The following INPP4A variants were observed in gnomAD, a reference collection of about 807,000 sequenced individuals.
INPP4A encodes inositol polyphosphate-4-phosphatase, type I, 107kD.
In INPP4A, 33 loss-of-function variants were observed where a neutral mutation model predicts 119.8. The ratio of observed to expected loss-of-function variants is 0.28; its 90% CI spans 0.21 to 0.37. The LOEUF (loss-of-function observed/expected upper bound fraction) is 0.37. Among genes scored for constraint, INPP4A ranks in the 10% least tolerant of loss-of-function variants. The pLI is 1.00. For synonymous variants in INPP4A, 496 were observed against 500.7 expected, an observed-to-expected ratio of 0.99 and a Z score of 0.12; for missense variants, 956 against 1,289.9, an observed-to-expected ratio of 0.74 and a Z score of 3.97.
chr2:98,578,088 G>A (rs1480711453), intron 24 of INPP4A, among the ~76,000 whole-genome samples: 1 of 152,158 alleles, frequency 6.6e-6, no homozygotes. Flanking sequence ...GTTTTGTCCC[G>A]TTTTGTCTTT....
intron 1 of INPP4A, among the ~76,000 whole-genome samples, chr2:98,449,747 A>C (rs1293931646): frequency 6.6e-6 from 1 of 152,198 alleles, no homozygotes; most frequent in East Asian, 1.9e-4. Context: ...ACATTACACA[A>C]AATTTTCTGT....
intron 1 of INPP4A, among the ~76,000 whole-genome samples, chr2:98,482,121 A>AT (rs1272987339): frequency 6.6e-6 from 1 of 152,194 alleles, no homozygotes; most frequent in Non-Finnish European, 1.5e-5. Context: ...AATAAATATA[A>AT]TTTTTTAAAC....
chr2:98,587,535 AT>A lies in INPP4A; in HGVS notation c.2848del (p.Ser950ProfsTer4). 1 of 1,611,018 alleles carries A rather than the reference AT, an allele frequency of 6.2e-7. No homozygotes were observed. Among genetic ancestry groups the A allele is most frequent in the Non-Finnish European group, 8.5e-7 (1 of 1,179,000 alleles). On this transcript the variant is annotated frameshift_variant, in exon 25 of 25. Coordinates refer to ENST00000409851, the MANE Select transcript of INPP4A (RefSeq NM_001134225.2). LOFTEE classifies it high-confidence loss of function. ...GTTGGAAGTCGCAAATATGCATTTA[AT>A]TCCCTGCAGCTGAAGGCTTTCCCCA... ...KNVGSRKYAF[N>X]SLQLKAFPKH...
intron 1 of INPP4A, among the ~76,000 whole-genome samples, chr2:98,471,815 C>T (rs1322139036): frequency 1.3e-5 from 2 of 152,192 alleles, no homozygotes; most frequent in African/African-American, 2.4e-5. Flanking sequence ...CAGACAGCAC[C>T]GTGGAGTTCG....
chr2:98,525,740 A>G (rs1688071048), intron 4 of INPP4A, among the ~76,000 whole-genome samples: 1 of 152,266 alleles, frequency 6.6e-6, no homozygotes, highest in African/African-American at 2.4e-5. Context: ...AACAATAAGC[A>G]CATGTTAAAA....
intron 1 of INPP4A, among the ~76,000 whole-genome samples, chr2:98,452,748 C>T (rs767043641): frequency 1.3e-4 from 20 of 152,172 alleles, no homozygotes; most frequent in Non-Finnish European, 2.4e-4. Flanking sequence ...CTGTACAGCT[C>T]GGTGCTAAAG....
intron 24 of INPP4A, chr2:98,581,674 T>C: frequency 6.2e-7 from 1 of 1,609,104 alleles, no homozygotes; most frequent in Non-Finnish European, 8.5e-7. Context: ...TCCATCCCTT[T>C]ATTAGCTCTG....
chr2:98,542,238 A>T (rs1311106857), intron 10 of INPP4A, among the ~76,000 whole-genome samples: 1 of 152,274 alleles, frequency 6.6e-6, no homozygotes, highest in Non-Finnish European at 1.5e-5. Context: ...GAGCGGCCTG[A>T]GGCCATGGGG....
chr2:98,508,758 T>C (rs1684564040), intron 1 of INPP4A, among the ~76,000 whole-genome samples: 1 of 152,206 alleles, frequency 6.6e-6, no homozygotes, highest in Non-Finnish European at 1.5e-5. Flanking sequence ...TTGCCTGTTG[T>C]AGGAGAGAGA....
At chr2:98,587,131 T>C (rs573738872) in intron 24 of INPP4A, among the ~76,000 whole-genome samples, 7 of 152,374 alleles carry the variant, frequency 4.6e-5, no homozygotes, top group Non-Finnish European at 7.3e-5. Flanking sequence ...TCATTTGCTA[T>C]GTGAGGGAAT....
chr2:98,548,874 T>A (rs1692965432), intron 13 of INPP4A: 2 of 1,301,388 alleles, frequency 1.5e-6, no homozygotes, highest in East Asian at 2.4e-5. Flanking sequence ...AAAAATAAGT[T>A]GGCTTTTTAA....
chr2:98,523,875 G>A (rs933874156), intron 4 of INPP4A, among the ~76,000 whole-genome samples: 2 of 152,194 alleles, frequency 1.3e-5, no homozygotes, highest in African/African-American at 2.4e-5. Flanking sequence ...AAATATATAT[G>A]TTTGACCCTC....
rs150056572 is a variant in INPP4A at position 98,589,546 on chromosome 2, T to C, written c.*1938T>C. ...TCAGCAGTTTTGCATGTGACACCTT[T>C]ATATGAATTATTTTCCCAATTTTTG... On this transcript the variant is annotated 3_prime_UTR_variant, in exon 25 of 25. Transcript: ENST00000409851. 1 of 179,828 alleles carries C rather than the reference T, an allele frequency of 5.6e-6. No homozygotes were observed. The highest frequency in any genetic ancestry group is 6.3e-5 in the Admixed American group (1 of 15,918). 11.1% of individuals were successfully genotyped at this position (179,828 alleles called of 1,614,324 possible).
intron 4 of INPP4A, among the ~76,000 whole-genome samples, chr2:98,527,990 C>CA (rs1688485092): frequency 6.6e-6 from 1 of 152,024 alleles, no homozygotes; most frequent in Non-Finnish European, 1.5e-5. Flanking sequence ...TGAGATGTTG[C>CA]AAAAAAGAAA....
intron 13 of INPP4A, among the ~76,000 whole-genome samples, chr2:98,551,540 G>GCT (rs1693521244): frequency 6.6e-6 from 1 of 152,204 alleles, no homozygotes; most frequent in African/African-American, 2.4e-5. Flanking sequence ...CAAGGGAAGG[G>GCT]GTAGTGGTGG....
chr2:98,494,814 A>T (rs1177250562), intron 1 of INPP4A, among the ~76,000 whole-genome samples: 1 of 152,220 alleles, frequency 6.6e-6, no homozygotes, highest in South Asian at 2.1e-4. Context: ...AGAACAATGT[A>T]TGCCCTAGGC....
chr2:98,520,839 T>C (rs559606421), intron 4 of INPP4A, 108 bp downstream of exon 4: 7 of 631,246 alleles, frequency 1.1e-5, no homozygotes, highest in African/African-American at 9.4e-5. Context: ...TTGCTGCTGC[T>C]GCCACCACTG....
chr2:98,562,709 GA>G (rs1179356235), intron 17 of INPP4A, among the ~76,000 whole-genome samples: 6 of 152,076 alleles, frequency 3.9e-5, no homozygotes, highest in African/African-American at 1.2e-4. Context: ...AAATAGGAAG[GA>G]AAAAAAGAGT....
chr2:98,569,403 G>C lies in INPP4A; in HGVS notation c.2518+735G>C, dbSNP rs755568805. 1 of 152,272 alleles carries C rather than the reference G, an allele frequency of 6.6e-6. No individual in the cohort carries two copies. Among genetic ancestry groups the C allele is most frequent in the Non-Finnish European group, 1.5e-5 (1 of 68,104 alleles). 9.4% of individuals were successfully genotyped at this position (152,272 alleles called of 1,614,324 possible). A position where few individuals can be genotyped will look rare whatever the true frequency, so the allele number is the denominator to read the frequency against. ...TGCCACAGCCACTAGGGGGCGCCAC[G>C]CGTCAGAAGGTATCATCCCCTCTGT... On this transcript the variant is annotated intron_variant, in intron 22 of 24. Transcript: ENST00000409851. The surrounding 1 kb of genome is among the most constrained non-coding windows in gnomAD (Gnocchi z 5.1).
Sources: allele counts gnomAD v4.1 joint callset (sites outside exome capture counted in the v4.1 genomes callset), GRCh38; gene constraint gnomAD v4.1.1; non-coding constraint Gnocchi (gnomAD v3.1); transcripts MANE v1.5; gene names NCBI Gene and HGNC (gene_info 2026-07-23, HGNC 2026-07-21).